Variants in ADCY10 observed in about 807,000 individuals in gnomAD.
ADCY10 encodes adenylate cyclase type 10.
Under a neutral mutation model 183.3 loss-of-function variants are expected in ADCY10, and 156 were observed. The ratio of observed to expected loss-of-function variants is 0.85; its 90% CI spans 0.75 to 0.97. ADCY10 has a LOEUF of 0.97. ADCY10 is among the 50% of genes least tolerant of loss of function. The probability of loss-of-function intolerance (pLI) is 0.00; values close to 1 mark genes in which losing one functional copy is unlikely to be tolerated. For missense variants in ADCY10, 1,745 were observed against 1,934.3 expected (o/e 0.90, Z 1.84); for synonymous variants, 645 against 670.0 (o/e 0.96, Z 0.58).
chr1:167,898,317 G>C (rs974953100), intron 6 of ADCY10, among the ~76,000 whole-genome samples: 5 of 152,030 alleles, frequency 3.3e-5, no homozygotes, highest in African/African-American at 1.2e-4. Flanking sequence ...TGATTGAAGA[G>C]AGGCTGGGCG....
At chr1:167,822,888 C>G in intron 29 of ADCY10, 120 bp downstream of exon 29, 1 of 845,952 alleles carries the variant, frequency 1.2e-6, no homozygotes, top group Non-Finnish European at 2.0e-6. Flanking sequence ...CCATCCCTGC[C>G]CTGTAAGTCC....
chr1:167,909,121 AC>A (rs1179506275), intron 1 of ADCY10, among the ~76,000 whole-genome samples: 4 of 152,124 alleles, frequency 2.6e-5, no homozygotes, highest in African/African-American at 9.7e-5. Flanking sequence ...AACATAGATC[AC>A]CTTTGCCAGT....
chr1:167,818,381 G>A (rs1260846378), intron 30 of ADCY10, 114 bp from the exon 31 acceptor site: 5 of 918,812 alleles, frequency 5.4e-6, no homozygotes, highest in South Asian at 5.2e-5. Context: ...CTGGAAGTGT[G>A]TAGTCTCCTG....
At chr1:167,888,453 A>G (rs1668374432) in intron 8 of ADCY10, among the ~76,000 whole-genome samples, 1 of 151,614 alleles carries the variant, frequency 6.6e-6, no homozygotes. Flanking sequence ...TCAACATTTT[A>G]TAGTTTTCAC....
intron 13 of ADCY10, among the ~76,000 whole-genome samples, chr1:167,871,499 G>A (rs1667104297): frequency 6.6e-6 from 1 of 152,156 alleles, no homozygotes. Context: ...TAACAGCCCT[G>A]GGTGAAATCT....
intron 30 of ADCY10, chr1:167,820,413 G>T (rs1662828807): frequency 1.9e-6 from 1 of 522,472 alleles, no homozygotes; most frequent in Non-Finnish European, 3.3e-6. Context: ...CTGGCCGACT[G>T]CCCTCCAGGT....
intron 8 of ADCY10, among the ~76,000 whole-genome samples, chr1:167,892,924 T>C (rs1442391006): frequency 6.6e-6 from 1 of 152,232 alleles, no homozygotes; most frequent in Non-Finnish European, 1.5e-5. Flanking sequence ...AAGGCTGTAG[T>C]GTTCTCTGGG....
At chr1:167,827,839 G>A (rs1272708888) in intron 26 of ADCY10, among the ~76,000 whole-genome samples, 2 of 151,918 alleles carry the variant, frequency 1.3e-5, no homozygotes, top group African/African-American at 4.8e-5. Flanking sequence ...TCGGCCTCCT[G>A]AGTAGCTGGG....
intron 31 of ADCY10, among the ~76,000 whole-genome samples, chr1:167,816,606 C>T (rs1339126950): frequency 1.3e-5 from 2 of 151,978 alleles, no homozygotes; most frequent in African/African-American, 2.4e-5. Context: ...AAAGGAACAA[C>T]AACAAAAAAA....
chr1:167,861,259 A>G (rs999909476), intron 14 of ADCY10, among the ~76,000 whole-genome samples, 196 bp from the exon 15 acceptor site: 12 of 152,088 alleles, frequency 7.9e-5, no homozygotes, highest in Non-Finnish European at 2.9e-5. Context: ...TGATTAATTT[A>G]ACCTAGCTAA....
At chr1:167,877,726 GA>G (rs1235434337) in intron 12 of ADCY10, among the ~76,000 whole-genome samples, 1 of 152,178 alleles carries the variant, frequency 6.6e-6, no homozygotes, top group African/African-American at 2.4e-5. Context: ...GACAAAGGGG[GA>G]AAGAGCTTAA....
intron 30 of ADCY10, chr1:167,821,278 G>T (rs1377234616): frequency 3.3e-5 from 5 of 153,162 alleles, no homozygotes; most frequent in African/African-American, 1.2e-4. Context: ...AGTTAATGGG[G>T]TGCGGGGAGA....
At chr1:167,904,728 GT>G (rs1480197847) in intron 2 of ADCY10, 11 of 611,462 alleles carry the variant, frequency 1.8e-5, no homozygotes, top group Non-Finnish European at 2.9e-5. Flanking sequence ...AGTCAGTGAA[GT>G]TGGGGCAGAG....
chr1:167,843,760 T>A (rs1484866623), intron 21 of ADCY10, among the ~76,000 whole-genome samples: 3 of 152,176 alleles, frequency 2.0e-5, no homozygotes, highest in African/African-American at 7.2e-5. Flanking sequence ...TTCAGCCTTC[T>A]TAGGCATGAG....
chr1:167,843,120 C>T (rs1461782402), intron 21 of ADCY10, among the ~76,000 whole-genome samples: 1 of 152,146 alleles, frequency 6.6e-6, no homozygotes. Flanking sequence ...TACCAGCAGA[C>T]ATTATTCAGA....
chr1:167,894,838 A>C (rs1361119609), intron 7 of ADCY10, among the ~76,000 whole-genome samples: 2 of 152,176 alleles, frequency 1.3e-5, no homozygotes, highest in African/African-American at 4.8e-5. Flanking sequence ...TGAAGTTTGT[A>C]GAGGATTCAA....
At chr1:167,822,973 C>T in intron 29 of ADCY10, 35 bp downstream of exon 29, 1 of 1,586,048 alleles carries the variant, frequency 6.3e-7, no homozygotes, top group South Asian at 1.1e-5. Flanking sequence ...GTATCAACAC[C>T]CCCAAGTTCT....
intron 31 of ADCY10, among the ~76,000 whole-genome samples, chr1:167,814,545 T>C (rs1662406653): frequency 6.6e-6 from 1 of 151,782 alleles, no homozygotes; most frequent in African/African-American, 2.4e-5. Flanking sequence ...AAGGTAGAAA[T>C]AGACAGTTCT....
intron 1 of ADCY10, among the ~76,000 whole-genome samples, chr1:167,905,567 C>A: frequency 6.6e-6 from 1 of 151,430 alleles, no homozygotes. Flanking sequence ...TTTACCCTCT[C>A]TCTACCTTGG....
Sources: allele counts gnomAD v4.1 joint callset (sites outside exome capture counted in the v4.1 genomes callset), GRCh38; gene constraint gnomAD v4.1.1; transcripts MANE v1.5; gene names NCBI Gene and HGNC (gene_info 2026-07-23, HGNC 2026-07-21).